KCNN2: variants seen among roughly 807,000 people sequenced by gnomAD.
KCNN2 encodes the protein potassium calcium-activated channel subfamily N member 2.
A neutral mutation model predicts 55.5 loss-of-function variants in KCNN2; 24 were observed. The ratio of observed to expected loss-of-function variants is 0.43; its 90% CI spans 0.31 to 0.61. The LOEUF (loss-of-function observed/expected upper bound fraction) is 0.61. Among genes scored for constraint, KCNN2 ranks in the 20% least tolerant of loss-of-function variants. KCNN2 has a pLI of 0.08. For synonymous variants in KCNN2, 431 were observed against 336.1 expected (o/e 1.28, Z -3.09); for missense variants, 754 against 853.6 (o/e 0.88, Z 1.45).
chr5:114,274,686 G>T (rs866563899), intron 2 of KCNN2, among the ~76,000 whole-genome samples: 1 of 152,160 alleles, frequency 6.6e-6, no homozygotes, highest in Non-Finnish European at 1.5e-5. Context: ...CATTGATTTT[G>T]TATCCTGAGA....
At chr5:114,130,246 A>G (rs1391600471) in intron 1 of KCNN2, among the ~76,000 whole-genome samples, 2 of 152,164 alleles carry the variant, frequency 1.3e-5, no homozygotes, top group East Asian at 1.9e-4. Context: ...TTCAGTTTAT[A>G]TATCCTTGGT....
At chr5:114,358,431 ATTG>A (rs1757338948), upstream of KCNN2, among the ~76,000 whole-genome samples, 1 of 152,142 alleles carries the variant, frequency 6.6e-6, no homozygotes, top group Admixed American at 6.5e-5. Context: ...TGGGAAAGCA[ATTG>A]TTGTAGGCCA....
chr5:114,118,023 G>A (rs1196026159), intron 1 of KCNN2, among the ~76,000 whole-genome samples: 5 of 152,138 alleles, frequency 3.3e-5, no homozygotes, highest in Non-Finnish European at 7.3e-5. Context: ...CAAAGAGGTG[G>A]AAAGGCTGGC....
chr5:114,486,579 T>G, intron 5 of KCNN2: 1 of 373,982 alleles, frequency 2.7e-6, no homozygotes, highest in South Asian at 2.2e-5. Flanking sequence ...CAGTGCTGGA[T>G]GTACTTATAC....
chr5:114,113,385 A>G (rs1469946618), intron 1 of KCNN2, among the ~76,000 whole-genome samples: 1 of 152,032 alleles, frequency 6.6e-6, no homozygotes, highest in East Asian at 1.9e-4. Flanking sequence ...GTATGTAATC[A>G]CATACTTAAT....
intron 4 of KCNN2, among the ~76,000 whole-genome samples, chr5:114,466,327 T>A (rs1402117585): frequency 6.6e-6 from 1 of 152,124 alleles, no homozygotes; most frequent in Non-Finnish European, 1.5e-5. Context: ...CTTTGTACTT[T>A]TGGTTGAAGA....
intron 2 of KCNN2, among the ~76,000 whole-genome samples, chr5:114,291,780 T>C (rs908246967): frequency 2.0e-5 from 3 of 152,262 alleles, no homozygotes; most frequent in Non-Finnish European, 4.4e-5. Context: ...ACTTCCATAA[T>C]GGTTGAACTA....
At chr5:114,171,030 A>G (rs1753022374) in intron 1 of KCNN2, among the ~76,000 whole-genome samples, 1 of 152,038 alleles carries the variant, frequency 6.6e-6, no homozygotes, top group South Asian at 2.1e-4. Context: ...AGCTTTAACA[A>G]TTGAATAGGA....
At chr5:114,485,399 G>A (rs576193598) in intron 5 of KCNN2, among the ~76,000 whole-genome samples, 2 of 152,222 alleles carry the variant, frequency 1.3e-5, no homozygotes, top group African/African-American at 4.8e-5. Flanking sequence ...CTGCTGGCCA[G>A]TCACTTCCCA....
intron 1 of KCNN2, chr5:114,056,590 C>T: frequency 2.5e-6 from 1 of 395,364 alleles, no homozygotes; most frequent in South Asian, 1.4e-4. Flanking sequence ...TGAAGTTTGC[C>T]TGGGCTTTCA....
rs1288416340 is a variant in KCNN2 at position 114,136,560 on chromosome 5, T to C, written c.-271+80060T>C. ...GTTCATGCTGGACAGTGGAACCTGG[T>C]GGAGGGAGGATCTATAAGAAACTAA... On this transcript the variant is annotated intron_variant, in intron 1 of 10. Transcript: ENST00000512097. Among the ~76,000 whole-genome samples, 5 of 152,306 alleles carry C rather than the reference T, an allele frequency of 3.3e-5. No individual in the cohort carries two copies. The South Asian group carries it at 1.0e-3, about 32-fold the overall frequency.
At chr5:114,282,145 G>A (rs547260742) in intron 2 of KCNN2, among the ~76,000 whole-genome samples, 1 of 151,902 alleles carries the variant, frequency 6.6e-6, no homozygotes, top group African/African-American at 2.4e-5. Context: ...CTATCACTAG[G>A]TTTCATTTTT....
At chr5:114,123,556 G>A (rs1338573523) in intron 1 of KCNN2, among the ~76,000 whole-genome samples, 2 of 96,786 alleles carry the variant, frequency 2.1e-5, no homozygotes, top group East Asian at 4.0e-4. Flanking sequence ...GTAGAGACGG[G>A]GTTTCACTGT....
chr5:114,097,214 G>C (rs1751275781), intron 1 of KCNN2, among the ~76,000 whole-genome samples: 1 of 152,122 alleles, frequency 6.6e-6, no homozygotes, highest in African/African-American at 2.4e-5. Context: ...ATTAATTATA[G>C]GTCCAATCTT....
At chr5:114,448,635 G>A (rs991578430) in intron 3 of KCNN2, among the ~76,000 whole-genome samples, 7 of 152,094 alleles carry the variant, frequency 4.6e-5, no homozygotes, top group Non-Finnish European at 7.4e-5. Context: ...CTCTCAGCTC[G>A]CTGGGTTTGG....
intron 1 of KCNN2, among the ~76,000 whole-genome samples, chr5:114,124,454 A>G (rs1440093692): frequency 6.6e-6 from 1 of 152,188 alleles, no homozygotes; most frequent in Non-Finnish European, 1.5e-5. Flanking sequence ...CTGCAGCCTC[A>G]AAAACCATGA....
At chr5:114,151,029 A>G (rs113638254) in intron 1 of KCNN2, among the ~76,000 whole-genome samples, 1 of 152,112 alleles carries the variant, frequency 6.6e-6, no homozygotes, top group African/African-American at 2.4e-5. Flanking sequence ...CTCAAAACAA[A>G]CAAACAAACA....
At chr5:114,212,107 A>G (rs1459045673) in intron 1 of KCNN2, among the ~76,000 whole-genome samples, 1 of 152,042 alleles carries the variant, frequency 6.6e-6, no homozygotes, top group Admixed American at 6.6e-5. Flanking sequence ...AAGAAGAAAC[A>G]TTTGGTGAAA....
intron 1 of KCNN2, among the ~76,000 whole-genome samples, chr5:114,107,440 A>C (rs1480960874): frequency 6.6e-6 from 1 of 152,094 alleles, no homozygotes; most frequent in East Asian, 1.9e-4. Context: ...GCTGGAGTGC[A>C]ATGGCACAAT....
Sources: gnomAD v4.1 joint callset for allele counts (sites outside exome capture counted in the v4.1 genomes callset) on GRCh38, gnomAD v4.1.1 for gene constraint, MANE v1.5 for transcripts, NCBI Gene and HGNC (gene_info 2026-07-23, HGNC 2026-07-21) for gene names.